CADM2: variants seen among roughly 807,000 people sequenced by gnomAD.
CADM2 encodes the protein immunoglobulin superfamily member 4D.
A neutral mutation model predicts 49.8 loss-of-function variants in CADM2; 12 were observed. The observed-to-expected ratio is 0.24, with a 90% CI of 0.15 to 0.39. The LOEUF is 0.39. Among genes scored for constraint, CADM2 ranks in the 10% least tolerant of loss-of-function variants. CADM2 has a pLI of 1.00. For synonymous variants in CADM2, 214 were observed against 175.4 expected, an observed-to-expected ratio of 1.22 and a Z score of -1.74; for missense variants, 378 against 492.3, an observed-to-expected ratio of 0.77 and a Z score of 2.20.
intron 1 of CADM2, among the ~76,000 whole-genome samples, chr3:85,607,429 G>A (rs1426012672): frequency 6.6e-6 from 1 of 152,060 alleles, no homozygotes; most frequent in Non-Finnish European, 1.5e-5. Flanking sequence ...AAAGAGAGAT[G>A]CTTAGAGAAT....
chr3:85,152,280 A>T (rs1215573790), intron 1 of CADM2, among the ~76,000 whole-genome samples: 1 of 152,070 alleles, frequency 6.6e-6, no homozygotes, highest in Non-Finnish European at 1.5e-5. Flanking sequence ...TTGACTGTTG[A>T]CTGTGCCTCT....
intron 1 of CADM2, among the ~76,000 whole-genome samples, chr3:85,186,968 T>C (rs1360111418): frequency 1.3e-5 from 2 of 152,196 alleles, no homozygotes; most frequent in African/African-American, 2.4e-5. Context: ...ATGAGGTTTT[T>C]CTGTATGCCT....
At chr3:85,937,023 C>T (rs771675047) in intron 7 of CADM2, among the ~76,000 whole-genome samples, 1 of 151,788 alleles carries the variant, frequency 6.6e-6, no homozygotes, top group African/African-American at 2.4e-5. Context: ...TTATAGAATG[C>T]TTGAAAATAA....
chr3:85,930,667 ATTTGAT>A (rs1720472948), intron 6 of CADM2, among the ~76,000 whole-genome samples: 1 of 151,834 alleles, frequency 6.6e-6, no homozygotes, highest in African/African-American at 2.4e-5. Flanking sequence ...AGTTGAATTG[ATTTGAT>A]TTTTATATCT....
chr3:85,675,199 T>C (rs1008842850), intron 1 of CADM2, among the ~76,000 whole-genome samples: 3 of 152,176 alleles, frequency 2.0e-5, no homozygotes, highest in African/African-American at 7.2e-5. Context: ...TCTCTGGTAC[T>C]GATAACAATG....
chr3:85,940,222 C>T (rs1721718587), intron 7 of CADM2, among the ~76,000 whole-genome samples: 1 of 149,496 alleles, frequency 6.7e-6, no homozygotes, highest in African/African-American at 2.5e-5. Flanking sequence ...GCCTGTAATC[C>T]CAGCTACTGG....
intron 1 of CADM2, among the ~76,000 whole-genome samples, chr3:85,368,902 G>A (rs2032994480): frequency 6.6e-6 from 1 of 152,104 alleles, no homozygotes; most frequent in Non-Finnish European, 1.5e-5. Context: ...GGTTGAGGAT[G>A]TAGTACAATC....
intron 1 of CADM2, among the ~76,000 whole-genome samples, chr3:85,418,112 T>A (rs898006927): frequency 1.3e-5 from 2 of 152,120 alleles, no homozygotes; most frequent in Non-Finnish European, 2.9e-5. Flanking sequence ...TTTCCTAAAT[T>A]GATTTTGAAC....
Position 85,568,439 on chromosome 3 carries a change from C to CTT in CADM2, c.62-158081_62-158080dup, listed in dbSNP as rs1249814769. ...TCTTTCTTTCTTTCTTTCTTTCTTT[C>CTT]TTTCTTTCTTTCTTTCTTTCTTTCT... On this transcript the variant is annotated intron_variant, in intron 1 of 9. Transcript: ENST00000383699. 1.6e-3 allele frequency among the ~76,000 whole-genome samples: 55 copies of CTT among 35,382 alleles called. 2 individuals are homozygous for CTT. The highest frequency in any genetic ancestry group is 5.0e-3 in the African/African-American group (53 of 10,614). The allele number at this position is 35,382 out of a possible 152,430, so 23.2% of individuals were successfully genotyped here. A position where few individuals can be genotyped will look rare whatever the true frequency, so the allele number is the denominator to read the frequency against.
At chr3:85,850,225 C>T (rs2108288752) in intron 3 of CADM2, among the ~76,000 whole-genome samples, 1 of 150,588 alleles carries the variant, frequency 6.6e-6, no homozygotes, top group African/African-American at 2.4e-5. Flanking sequence ...CTGCCAGTTA[C>T]GGCAAAACAA....
At chr3:85,662,012 A>G (rs996503129) in intron 1 of CADM2, among the ~76,000 whole-genome samples, 2 of 152,042 alleles carry the variant, frequency 1.3e-5, no homozygotes, top group Non-Finnish European at 2.9e-5. Flanking sequence ...AATTCAAAAA[A>G]GATTTAATAT....
At chr3:85,417,043 T>C (rs376729789) in intron 1 of CADM2, among the ~76,000 whole-genome samples, 2 of 152,068 alleles carry the variant, frequency 1.3e-5, no homozygotes, top group Non-Finnish European at 2.9e-5. Context: ...CATGAGATGA[T>C]TATATCCTAA....
chr3:85,390,579 T>A (rs1442439552), intron 1 of CADM2, among the ~76,000 whole-genome samples: 2 of 152,068 alleles, frequency 1.3e-5, no homozygotes, highest in Non-Finnish European at 2.9e-5. Context: ...CTCTTTATAC[T>A]TCACAAGCGT....
At chr3:85,207,607 T>C (rs1187157226) in intron 1 of CADM2, among the ~76,000 whole-genome samples, 2 of 152,160 alleles carry the variant, frequency 1.3e-5, no homozygotes. Flanking sequence ...TTGACTAAAG[T>C]ATTTTTATCT....
rs576293745 is a variant in CADM2, at chr3:85,918,219, C to T, written c.700+5676C>T. ...AATAGGGGTGGTGAGAGAAGGCATC[C>T]CTGTCTTGTGCCAGTTTTCAAAGGG... On this transcript the variant is annotated intron_variant, in intron 6 of 9. Coordinates refer to ENST00000383699, the MANE Select transcript of CADM2 (RefSeq NM_001167675.2). Among the ~76,000 whole-genome samples, 13 of 152,226 alleles carry T rather than the reference C, an allele frequency of 8.5e-5. No individual in the cohort carries two copies. In the South Asian group the frequency reaches 2.7e-3, roughly 32 times the overall value.
intron 8 of CADM2, among the ~76,000 whole-genome samples, chr3:86,040,177 T>A (rs1735688704): frequency 6.6e-6 from 1 of 151,880 alleles, no homozygotes; most frequent in Non-Finnish European, 1.5e-5. Context: ...TCAGAGCACC[T>A]CTCCTCCTCC....
At chr3:86,005,551 C>CAT (rs1331154511) in intron 8 of CADM2, among the ~76,000 whole-genome samples, 21 of 97,630 alleles carry the variant, frequency 2.2e-4, no homozygotes, top group African/African-American at 7.8e-4. Context: ...GACTCCGTCT[C>CAT]ATATAAAAAA....
At chr3:85,230,290 A>T (rs2042257393) in intron 1 of CADM2, among the ~76,000 whole-genome samples, 1 of 152,234 alleles carries the variant, frequency 6.6e-6, no homozygotes, top group African/African-American at 2.4e-5. Flanking sequence ...ACATTATCAA[A>T]CATGAAGGAA....
chr3:86,019,791 G>T lies in CADM2; in HGVS notation c.971-45814G>T, dbSNP rs1287536080. On this transcript the variant is annotated intron_variant, in intron 8 of 9. Transcript: ENST00000383699. ...AGGAGATTTTGGGCTGAGACAATGG[G>T]GTTTTCTAGATATACAATCATGTCG... is the stretch of plus-strand genomic sequence containing the variant. 7.9e-5 allele frequency among the ~76,000 whole-genome samples: 12 copies of T among 152,098 alleles called. No individual in the cohort carries two copies. In the East Asian group the frequency reaches 1.4e-3, roughly 17 times the overall value.
Sources: allele counts gnomAD v4.1 joint callset (sites outside exome capture counted in the v4.1 genomes callset), GRCh38; gene constraint gnomAD v4.1.1; transcripts MANE v1.5; gene names NCBI Gene and HGNC (gene_info 2026-07-23, HGNC 2026-07-21).